SCHIP1: variants seen among roughly 807,000 people sequenced by gnomAD.
The protein encoded by SCHIP1 is schwannomin interacting protein 1, also known as schwannomin-interacting protein 1.
In SCHIP1, 8 loss-of-function variants were observed where a neutral mutation model predicts 29.7. That is an observed-to-expected ratio of 0.27 (90% CI 0.16 to 0.49). The LOEUF (loss-of-function observed/expected upper bound fraction) is 0.49, where lower values mean the gene tolerates loss of function less well. Among genes scored for constraint, SCHIP1 ranks in the 20% least tolerant of loss-of-function variants. The pLI is 0.99. For missense variants in SCHIP1, 193 were observed against 294.6 expected, an observed-to-expected ratio of 0.66 and a Z score of 2.52; for synonymous variants, 76 against 94.9, an observed-to-expected ratio of 0.80 and a Z score of 1.16.
At chr3:159,424,371 G>A in the SCHIP1 span, among the ~76,000 whole-genome samples, 1 of 152,188 alleles carries the variant, frequency 6.6e-6, no homozygotes, top group Non-Finnish European at 1.5e-5. Context: ...GAAAGCCAAG[G>A]CTCGAGAACT....
chr3:159,522,675 CCTG>C, the SCHIP1 span, among the ~76,000 whole-genome samples: 2 of 152,116 alleles, frequency 1.3e-5, no homozygotes, highest in African/African-American at 4.8e-5. Context: ...TTGAGACCAT[CCTG>C]GCCAACATGG....
At chr3:159,674,286 T>G in the SCHIP1 span, among the ~76,000 whole-genome samples, 2 of 152,112 alleles carry the variant, frequency 1.3e-5, no homozygotes, top group African/African-American at 4.8e-5. Context: ...CCCAACAAAC[T>G]GTGGCTAGAA....
the SCHIP1 span, among the ~76,000 whole-genome samples, chr3:159,526,595 T>C: frequency 6.6e-6 from 1 of 152,332 alleles, no homozygotes; most frequent in East Asian, 1.9e-4. Context: ...GCCCATCAAA[T>C]GATAGGTTAT....
the SCHIP1 span, among the ~76,000 whole-genome samples, chr3:159,742,353 T>C: frequency 6.6e-6 from 1 of 152,198 alleles, no homozygotes; most frequent in African/African-American, 2.4e-5. Flanking sequence ...TCCAGTGGTA[T>C]CCCCTGGGGA....
chr3:159,825,393 C>T, the SCHIP1 span, among the ~76,000 whole-genome samples: 1 of 152,132 alleles, frequency 6.6e-6, no homozygotes, highest in Non-Finnish European at 1.5e-5. Flanking sequence ...AGCCACAGCT[C>T]ACAGTGAGGA....
chr3:159,392,287 A>G, the SCHIP1 span, among the ~76,000 whole-genome samples: 1 of 152,118 alleles, frequency 6.6e-6, no homozygotes, highest in East Asian at 1.9e-4. Flanking sequence ...GAGATTTAAG[A>G]AAATGTTCTT....
At chr3:159,393,551 C>A in the SCHIP1 span, among the ~76,000 whole-genome samples, 12 of 151,572 alleles carry the variant, frequency 7.9e-5, no homozygotes, top group Non-Finnish European at 1.6e-4. Context: ...GTTTTCCCAG[C>A]ACCATTTATT....
chr3:159,545,609 T>C, the SCHIP1 span, among the ~76,000 whole-genome samples: 8 of 149,310 alleles, frequency 5.4e-5, no homozygotes, highest in Non-Finnish European at 1.2e-4. Flanking sequence ...TGTGTGTATA[T>C]ACATATACAC....
At chr3:159,670,113 G>GA in the SCHIP1 span, among the ~76,000 whole-genome samples, 18 of 152,346 alleles carry the variant, frequency 1.2e-4, no homozygotes, top group African/African-American at 4.3e-4. Flanking sequence ...TTTGTATCCT[G>GA]AAAAGGGACT....
the SCHIP1 span, among the ~76,000 whole-genome samples, chr3:159,465,315 T>TTGTGTGTGTGTGTGTG: frequency 6.7e-6 from 1 of 148,276 alleles, no homozygotes; most frequent in South Asian, 2.1e-4. Flanking sequence ...ATGTGTATGA[T>TTGTGTGTGTGTGTGTG]TGTGTGTGTG....
the SCHIP1 span, among the ~76,000 whole-genome samples, chr3:159,339,063 A>C: frequency 6.6e-6 from 1 of 152,140 alleles, no homozygotes; most frequent in Admixed American, 6.6e-5. Flanking sequence ...GTAAATATTC[A>C]TAGGTTCCAT....
the SCHIP1 span, among the ~76,000 whole-genome samples, chr3:159,775,732 T>G: frequency 3.3e-5 from 5 of 152,226 alleles, no homozygotes; most frequent in Non-Finnish European, 5.9e-5. Flanking sequence ...TAGGCGTGCC[T>G]GGAACAAAAC....
At chr3:159,775,280 G>A in the SCHIP1 span, among the ~76,000 whole-genome samples, 3 of 152,204 alleles carry the variant, frequency 2.0e-5, no homozygotes, top group Non-Finnish European at 4.4e-5. Context: ...AGTGTGTGGG[G>A]TTGGGCTTTT....
At chr3:159,353,931 T>C in the SCHIP1 span, among the ~76,000 whole-genome samples, 1 of 152,206 alleles carries the variant, frequency 6.6e-6, no homozygotes, top group Non-Finnish European at 1.5e-5. Context: ...TAATTCTTTG[T>C]TAGCTACTTC....
the SCHIP1 span, among the ~76,000 whole-genome samples, chr3:159,345,325 T>A: frequency 6.6e-6 from 1 of 151,932 alleles, no homozygotes; most frequent in Non-Finnish European, 1.5e-5. Context: ...GAAAGAAAAT[T>A]GCATTGATAC....
chr3:159,676,314 G>T, the SCHIP1 span, among the ~76,000 whole-genome samples: 2 of 152,300 alleles, frequency 1.3e-5, no homozygotes, highest in African/African-American at 4.8e-5. Context: ...TTATGCTGAA[G>T]ATAAACAGTG....
At chr3:159,442,405 T>C in the SCHIP1 span, among the ~76,000 whole-genome samples, 26,264 of 152,120 alleles carry the variant, frequency 0.17, 2,476 homozygotes, top group South Asian at 0.32. Context: ...CTATCATGTG[T>C]TGGAGATCCA....
intron 1 of SCHIP1, 125 bp from the exon 3 acceptor site, chr3:159,866,038 G>A: frequency 1.2e-6 from 1 of 808,724 alleles, no homozygotes. Context: ...ATACTCTTAT[G>A]CCGCAGCCTA....
At chr3:159,413,597 G>A in the SCHIP1 span, among the ~76,000 whole-genome samples, 3 of 152,036 alleles carry the variant, frequency 2.0e-5, no homozygotes, top group African/African-American at 4.8e-5. Flanking sequence ...ATGTCTGAAG[G>A]CTTTTATGGA....
Sources: gnomAD v4.1 joint callset for allele counts (sites outside exome capture counted in the v4.1 genomes callset) on GRCh38, gnomAD v4.1.1 for gene constraint, MANE v1.5 for transcripts, NCBI Gene and HGNC (gene_info 2026-07-23, HGNC 2026-07-21) for gene names.